Variants in L3MBTL3 observed in about 807,000 individuals in gnomAD.
L3MBTL3 encodes lethal(3)malignant brain tumor-like protein 3.
A neutral mutation model predicts 102.3 loss-of-function variants in L3MBTL3; 27 were observed. The ratio of observed to expected loss-of-function variants is 0.26; its 90% CI spans 0.19 to 0.36. The LOEUF (loss-of-function observed/expected upper bound fraction) is 0.36. Ranked by LOEUF, L3MBTL3 falls within the 10% of genes least tolerant of loss-of-function variation. L3MBTL3 has a pLI of 1.00. For missense variants in L3MBTL3, 798 were observed against 955.3 expected (o/e 0.84, Z 2.17); for synonymous variants, 340 against 320.9 (o/e 1.06, Z -0.64).
chr6:130,049,268 T>C lies in L3MBTL3; in HGVS notation c.103-14T>C. The C allele has an allele frequency of 1.3e-6, 2 of 1,546,728 alleles. No homozygotes were observed. The highest frequency in any genetic ancestry group is 4.5e-5 in the East Asian group (2 of 44,532). ...CACTTTTTAAATTTTGCCTTTCTGC[T>C]GTGTTGTTGCTAGTTTCGGGTAAAT... On this transcript the variant is annotated splice_polypyrimidine_tract_variant and intron_variant, in intron 3 of 22. Transcript: ENST00000361794.
intron 2 of L3MBTL3, among the ~76,000 whole-genome samples, chr6:130,038,733 G>A (rs1780218459): frequency 6.6e-6 from 1 of 152,038 alleles, no homozygotes; most frequent in Admixed American, 6.6e-5. Flanking sequence ...TCTTAACTAT[G>A]TTGATTGTTT....
rs2114829032 is a variant in L3MBTL3, at chr6:130,055,378, TC to T, written c.667+124del. The T allele has an allele frequency of 4.3e-6, 3 of 697,862 alleles. No individual in the cohort carries two copies. The South Asian group carries it at 5.9e-5, about 14-fold the overall frequency. The allele number at this position is 697,862 out of a possible 1,614,324, so 43.2% of individuals were successfully genotyped here. A position where few individuals can be genotyped will look rare whatever the true frequency, so the allele number is the denominator to read the frequency against. On this transcript the variant is annotated intron_variant, in intron 8 of 22. Coordinates refer to ENST00000361794, the MANE Select transcript of L3MBTL3 (RefSeq NM_032438.4). ...CAGGATTTTCTTTGATTCAGTTTGGTCAATAAAGATTTGAGATTTTGAGGAT... is the reference window on the plus strand; with the variant it reads ...CAGGATTTTCTTTGATTCAGTTTGGTAATAAAGATTTGAGATTTTGAGGAT...
At chr6:130,050,598 A>G (rs1450754411) in intron 5 of L3MBTL3, among the ~76,000 whole-genome samples, 2 of 152,194 alleles carry the variant, frequency 1.3e-5, no homozygotes, top group Admixed American at 1.3e-4. Context: ...ATCACATTTT[A>G]TTATAAATAC....
intron 13 of L3MBTL3, among the ~76,000 whole-genome samples, chr6:130,072,088 C>T (rs1408265185): frequency 1.3e-5 from 2 of 151,972 alleles, no homozygotes; most frequent in Non-Finnish European, 2.9e-5. Flanking sequence ...CCTTCTGTAT[C>T]TGTGGGTTGC....
In L3MBTL3 at chr6:130,053,517, C is replaced by A. The variant is rs569558268; in HGVS notation, c.582+526C>A. Among the ~76,000 whole-genome samples the A allele has an allele frequency of 2.0e-5, 3 of 152,064 alleles. No individual in the cohort carries two copies. In the South Asian group the frequency reaches 6.2e-4, roughly 32 times the overall value. ...AGGCGTGGTGGCAGGCTCCTGTAGT[C>A]CCAGCTACTCGGGAGGCTGAGGCAG... is the stretch of plus-strand genomic sequence containing the variant. On this transcript the variant is annotated intron_variant, in intron 7 of 22. Transcript: ENST00000361794.
At position 130,083,631 on chromosome 6, in the gene L3MBTL3, G is replaced by A; in HGVS notation, c.1333G>A (p.Val445Met). Reference sequence around the variant, plus strand: ...TTTTTCTTTCTTAGGTTATCCAAATGTGAAACATTTTTCTTGGGATAAATA... The same window carrying A: ...TTTTTCTTTCTTAGGTTATCCAAATATGAAACATTTTTCTTGGGATAAATA... ...TLITPPGYPN[V>M]KHFSWDKYLE... Residue 445 changes from valine (V) to methionine (M), a missense_variant, in exon 15 of 23, where the codon GTG (valine) becomes ATG (methionine). Physicochemically the swap from Val to Met is conservative, Grantham distance 21. This residue lies in a region of L3MBTL3 where 306 missense variants were observed against 314.4 expected (regional missense o/e 0.97). Transcript: ENST00000361794. The A allele has an allele frequency of 1.3e-6, 2 of 1,514,406 alleles. No homozygotes were observed. Among genetic ancestry groups the A allele is most frequent in the Non-Finnish European group, 1.8e-6 (2 of 1,120,940 alleles). The allele number at this position is 1,514,406 out of a possible 1,614,324, so 93.8% of individuals were successfully genotyped here.
intron 18 of L3MBTL3, among the ~76,000 whole-genome samples, chr6:130,101,564 T>A (rs1281774325): frequency 1.3e-5 from 2 of 152,148 alleles, no homozygotes; most frequent in East Asian, 3.9e-4. Context: ...TGAAGGCAGG[T>A]CAGACCTTGC....
chr6:130,098,030 G>T (rs945337239), intron 18 of L3MBTL3, among the ~76,000 whole-genome samples: 3 of 152,078 alleles, frequency 2.0e-5, no homozygotes, highest in Non-Finnish European at 2.9e-5. Flanking sequence ...TTGCGCCACT[G>T]CACTTCAGCC....
In L3MBTL3 at chr6:130,069,246, A is replaced by C. The variant is rs146135073; in HGVS notation, c.1092+825A>C. ...TCAGTTCCTCCTTTCCAGAGTCACC[A>C]GGCTGGTAGCAGTGAGTGAGACAGT... is the stretch of plus-strand genomic sequence containing the variant. On this transcript the variant is annotated intron_variant, in intron 12 of 22. Transcript: ENST00000361794. Among the ~76,000 whole-genome samples, 42 of 152,300 alleles carry C rather than the reference A, an allele frequency of 2.8e-4. 1 individual carries two copies. Among genetic ancestry groups the C allele is most frequent in the African/African-American group, 9.4e-4 (39 of 41,566 alleles).
At chr6:130,103,443 G>A (rs1008535852) in intron 18 of L3MBTL3, among the ~76,000 whole-genome samples, 2 of 152,126 alleles carry the variant, frequency 1.3e-5, no homozygotes, top group Admixed American at 1.3e-4. Context: ...AGATTCTCTT[G>A]GTAGAGGGTA....
chr6:130,049,257 TGC>T, intron 3 of L3MBTL3, 23 bp from the exon 4 acceptor site: 1 of 893,872 alleles, frequency 1.1e-6, no homozygotes, highest in South Asian at 1.4e-5. Context: ...TTTTAAATTT[TGC>T]CTTTCTGCTG....
chr6:130,082,297 C>A (rs1023522028), intron 14 of L3MBTL3, among the ~76,000 whole-genome samples: 2 of 152,200 alleles, frequency 1.3e-5, no homozygotes, highest in Admixed American at 6.5e-5. Flanking sequence ...ACATTCCTGG[C>A]ATGAATTATA....
At chr6:130,072,384 A>G (rs550052525) in intron 13 of L3MBTL3, among the ~76,000 whole-genome samples, 1 of 152,312 alleles carries the variant, frequency 6.6e-6, no homozygotes, top group South Asian at 2.1e-4. Flanking sequence ...GGACTTGAGC[A>G]TCCTTAGATA....
At chr6:130,056,363 T>C (rs1208643563) in intron 8 of L3MBTL3, among the ~76,000 whole-genome samples, 2 of 152,164 alleles carry the variant, frequency 1.3e-5, no homozygotes, top group Non-Finnish European at 2.9e-5. Context: ...GTCACTTCCA[T>C]AGAGGCCCTG....
chr6:130,078,545 G>T lies in L3MBTL3; in HGVS notation c.1245-13G>T, dbSNP rs568438205. The T allele has an allele frequency of 6.3e-6, 10 of 1,594,246 alleles. No individual in the cohort carries two copies. The African/African-American group carries it at 1.3e-4, about 21-fold the overall frequency. On this transcript the variant is annotated splice_polypyrimidine_tract_variant and intron_variant, in intron 13 of 22. Transcript: ENST00000361794. ...CCTGATAATTGCAGTTTTTTAATTT[G>T]TGTAACTTTCAGGTGTGAAGCATCA...
At position 130,139,638 on chromosome 6, in the gene L3MBTL3, T is replaced by C; in HGVS notation, c.2228T>C (p.Met743Thr). The C allele has an allele frequency of 6.2e-7, 1 of 1,613,386 alleles. No individual in the cohort carries two copies. The highest frequency in any genetic ancestry group is 8.5e-7 in the Non-Finnish European group (1 of 1,179,460). The change falls in exon 23 of 23, where the codon ATG becomes ACG. Residue 743 changes from methionine (M) to threonine (T), a missense_variant. Physicochemically the swap from Met to Thr is moderately conservative, Grantham distance 81 (BLOSUM62 -1). Coordinates refer to ENST00000361794, the MANE Select transcript of L3MBTL3 (RefSeq NM_032438.4). Reference protein sequence around the residue: ...EQIDGEAFLLMTQTDIVKIMS... With the variant: ...EQIDGEAFLLTTQTDIVKIMS... ...ATTGATGGAGAAGCATTTCTACTTA[T>C]GACTCAAACAGACATTGTTAAAATT...
At chr6:130,108,231 GTTTTTTTTTTTT>G (rs869221525) in intron 19 of L3MBTL3, among the ~76,000 whole-genome samples, 1 of 91,052 alleles carries the variant, frequency 1.1e-5, no homozygotes, top group Admixed American at 1.3e-4. Context: ...TTTTTTTTTT[GTTTTTTTTTTTT>G]TTTTTTTTTT....
chr6:130,116,471 T>A (rs1026985385), intron 19 of L3MBTL3, among the ~76,000 whole-genome samples: 4 of 152,158 alleles, frequency 2.6e-5, no homozygotes, highest in Non-Finnish European at 5.9e-5. Flanking sequence ...CATGTTAAGA[T>A]TCATGCACCC....
chr6:130,135,637 T>C (rs561550487), intron 22 of L3MBTL3, among the ~76,000 whole-genome samples: 46 of 152,310 alleles, frequency 3.0e-4, no homozygotes, highest in African/African-American at 1.0e-3. Flanking sequence ...TCATGGCAGA[T>C]TGTCTTTGGA....
Sources: gnomAD v4.1 joint callset for allele counts (sites outside exome capture counted in the v4.1 genomes callset) on GRCh38, gnomAD v4.1.1 for gene constraint, gnomAD v4.1.1 regional missense constraint, MANE v1.5 for transcripts, NCBI Gene and HGNC (gene_info 2026-07-23, HGNC 2026-07-21) for gene names.